The following GRIK5 variants were observed in gnomAD, a reference collection of about 807,000 sequenced individuals.
GRIK5 encodes glutamate receptor ionotropic, kainate 5.
A neutral mutation model predicts 97.4 loss-of-function variants in GRIK5; 43 were observed. That is an observed-to-expected ratio of 0.44 (90% CI 0.35 to 0.57). The LOEUF (loss-of-function observed/expected upper bound fraction) is 0.57. Among genes scored for constraint, GRIK5 ranks in the 20% least tolerant of loss-of-function variants. The pLI is 0.01. For missense variants in GRIK5, 1,015 were observed against 1,382.0 expected (o/e 0.73, Z 4.21); for synonymous variants, 580 against 583.5 (o/e 0.99, Z 0.09).
At chr19:42,019,072 G>A (rs2075666228) in intron 15 of GRIK5, among the ~76,000 whole-genome samples, 2 of 152,188 alleles carry the variant, frequency 1.3e-5, no homozygotes, top group Non-Finnish European at 2.9e-5. Flanking sequence ...GGGTGACAGC[G>A]ATGGGAAGGG....
chr19:42,054,181 C>A (rs915200188), intron 9 of GRIK5, 139 bp downstream of exon 9: 18 of 895,214 alleles, frequency 2.0e-5, no homozygotes, highest in Non-Finnish European at 2.8e-5. Flanking sequence ...TAGGCAGCAA[C>A]AGCCAGGAGT....
chr19:42,062,373 G>A lies in GRIK5; in HGVS notation c.508+115C>T. The A allele has an allele frequency of 1.0e-6, 1 of 985,972 alleles. No individual in the cohort carries two copies. The highest frequency in any genetic ancestry group is 1.5e-6 in the Non-Finnish European group (1 of 667,044). The allele number at this position is 985,972 out of a possible 1,614,324, so 61.1% of individuals were successfully genotyped here. ...TCTGAAGATGGGAGAAGAGCCTGGT[G>A]CCTGGGTGCCCCAGGGTTCTAACTA... On this transcript the variant is annotated intron_variant, in intron 5 of 19. Coordinates refer to ENST00000593562, the MANE Select transcript of GRIK5 (RefSeq NM_002088.5). This position sits in a 1 kb window ranked among gnomAD's most constrained non-coding sequence, Gnocchi z 5.3.
intron 15 of GRIK5, among the ~76,000 whole-genome samples, chr19:42,018,330 A>AAAAAG (rs887900778): frequency 8.1e-5 from 12 of 149,042 alleles, no homozygotes; most frequent in South Asian, 2.1e-4. Flanking sequence ...TCTCAAAAAA[A>AAAAAG]AAAAGAAAAG....
rs142443245 is a variant in GRIK5 at position 42,053,810 on chromosome 19, C to G, written c.1161+15G>C. 6.3e-7 allele frequency: 1 copy of G among 1,597,822 alleles called. No individual in the cohort carries two copies. Among genetic ancestry groups the G allele is most frequent in the Non-Finnish European group, 8.6e-7 (1 of 1,165,410 alleles). ...CACCCCAGCAGGGCTCTGGCGTCAC[C>G]CTGGGTCTGCTCACCTCACGGTGGC... On this transcript the variant is annotated intron_variant, in intron 10 of 19. Transcript: ENST00000593562.
chr19:42,034,062 G>A (rs1193927677), intron 12 of GRIK5, among the ~76,000 whole-genome samples: 1 of 151,702 alleles, frequency 6.6e-6, no homozygotes, highest in African/African-American at 2.4e-5. Context: ...TCTGCAGCAC[G>A]ATAAAAATAA....
At chr19:42,054,607 A>G in intron 8 of GRIK5, 135 bp from the exon 9 acceptor site, 1 of 948,378 alleles carries the variant, frequency 1.1e-6, no homozygotes, top group Non-Finnish European at 1.6e-6. Context: ...TGGGTGGGTC[A>G]GGAGTGAGGA....
chr19:42,057,501 C>T (rs753501154), intron 6 of GRIK5, among the ~76,000 whole-genome samples: 4 of 151,974 alleles, frequency 2.6e-5, no homozygotes, highest in Non-Finnish European at 4.4e-5. Flanking sequence ...CTCCTGAGTA[C>T]CTGGAATCAT....
chr19:42,010,716 A>C lies in GRIK5; in HGVS notation c.1872-3906T>G, dbSNP rs575663920. Among the ~76,000 whole-genome samples, 9 of 152,362 alleles carry C rather than the reference A, an allele frequency of 5.9e-5. No homozygotes were observed. The South Asian group carries it at 1.9e-3, about 32-fold the overall frequency. ...AACACAACACCAGATAGAAACGTGG[A>C]TGTACCAGAAGGGGTGAAGGGCACC... On this transcript the variant is annotated intron_variant, in intron 15 of 19. Coordinates refer to ENST00000593562, the MANE Select transcript of GRIK5 (RefSeq NM_002088.5).
At chr19:42,054,875 C>G (rs1482955895) in intron 8 of GRIK5, among the ~76,000 whole-genome samples, 2 of 152,096 alleles carry the variant, frequency 1.3e-5, no homozygotes, top group Non-Finnish European at 2.9e-5. Context: ...GACGACCATG[C>G]CCATTCATCT....
chr19:42,046,119 G>T (rs2076040167), intron 11 of GRIK5, among the ~76,000 whole-genome samples: 1 of 152,186 alleles, frequency 6.6e-6, no homozygotes, highest in African/African-American at 2.4e-5. Context: ...AGGCCACCCA[G>T]CTGAAGCAGG....
Position 42,003,030 on chromosome 19 carries a change from T to C in GRIK5, c.2514+302A>G, listed in dbSNP as rs113094996. Among the ~76,000 whole-genome samples the C allele has an allele frequency of 2.4e-3, 365 of 152,134 alleles. 5 individuals carry two copies. The highest frequency in any genetic ancestry group is 8.3e-3 in the African/African-American group (343 of 41,504). On this transcript the variant is annotated intron_variant, in intron 19 of 19. Coordinates refer to ENST00000593562, the MANE Select transcript of GRIK5 (RefSeq NM_002088.5). This position sits in a 1 kb window ranked among gnomAD's most constrained non-coding sequence, Gnocchi z 4.2. ...GGATTACAGGTGTGAGCCACTGCAC[T>C]TGGCCCTGTTTCTCTTCTTATTTCT...
intron 15 of GRIK5, among the ~76,000 whole-genome samples, chr19:42,011,116 A>AACAC (rs112305468): frequency 0.028 from 4,044 of 146,538 alleles, 63 homozygotes; most frequent in Non-Finnish European, 0.041. Context: ...TTTACTATCT[A>AACAC]ACACACACAC....
Position 42,002,412 on chromosome 19 carries a change from C to T in GRIK5, c.2514+920G>A. ...GCTGCAGGAGGAAAGGACAGACTTG[C>T]CGGAGGGATGTCCTTGAGAAGGCAA... On this transcript the variant is annotated intron_variant, in intron 19 of 19. Transcript: ENST00000593562. This position sits in a 1 kb window ranked among gnomAD's most constrained non-coding sequence, Gnocchi z 5.2. The T allele has an allele frequency of 1.4e-6, 1 of 717,656 alleles. No homozygotes were observed. Among genetic ancestry groups the T allele is most frequent in the Non-Finnish European group, 2.6e-6 (1 of 385,112 alleles). The allele number at this position is 717,656 out of a possible 1,614,324, so 44.5% of individuals were successfully genotyped here.
chr19:42,058,637 C>A (rs1275324297), intron 6 of GRIK5, among the ~76,000 whole-genome samples: 12 of 150,006 alleles, frequency 8.0e-5, no homozygotes, highest in African/African-American at 2.9e-4. Context: ...ACCATCCTGG[C>A]CAATATGGTG....
At chr19:42,068,199 G>A (rs2076366465) in intron 1 of GRIK5, among the ~76,000 whole-genome samples, 1 of 152,104 alleles carries the variant, frequency 6.6e-6, no homozygotes, top group African/African-American at 2.4e-5. Context: ...AAACTGAGGT[G>A]GGGAGATGGA....
Position 41,999,406 on chromosome 19 carries a change from C to A in GRIK5, c.2515-107G>T, listed in dbSNP as rs2075407249. 2.4e-6 allele frequency: 2 copies of A among 846,996 alleles called. No individual in the cohort carries two copies. Among genetic ancestry groups the A allele is most frequent in the Admixed American group, 6.6e-5 (2 of 30,302 alleles). 52.5% of individuals were successfully genotyped at this position (846,996 alleles called of 1,614,324 possible). Reference sequence around the variant, plus strand: ...TCCTCCTTTCCTCGCCCGGGTCTTTCTTCCTTCTGCCCTCGCTTCCCTTCC... The same window carrying A: ...TCCTCCTTTCCTCGCCCGGGTCTTTATTCCTTCTGCCCTCGCTTCCCTTCC... On this transcript the variant is annotated intron_variant, in intron 19 of 19. Coordinates refer to ENST00000593562, the MANE Select transcript of GRIK5 (RefSeq NM_002088.5). This position sits in a 1 kb window ranked among gnomAD's most constrained non-coding sequence, Gnocchi z 5.0.
At chr19:42,032,888 T>G (rs2075855905) in intron 12 of GRIK5, among the ~76,000 whole-genome samples, 1 of 152,162 alleles carries the variant, frequency 6.6e-6, no homozygotes, top group South Asian at 2.1e-4. Context: ...TCCAACAGCC[T>G]CCTAAATGGA....
rs1324588152 is a variant in GRIK5, at chr19:42,002,559, T to G, written c.2514+773A>C. 1 of 667,220 alleles carries G rather than the reference T, an allele frequency of 1.5e-6. No individual in the cohort carries two copies. Among genetic ancestry groups the G allele is most frequent in the African/African-American group, 1.8e-5 (1 of 55,808 alleles). 41.3% of individuals were successfully genotyped at this position (667,220 alleles called of 1,614,324 possible). ...GCAGAGCTGGGGTCTGGGGAGTAGA[T>G]GTAAGGTCAGCCGCTGGATGTGAGG... On this transcript the variant is annotated intron_variant, in intron 19 of 19. Coordinates refer to ENST00000593562, the MANE Select transcript of GRIK5 (RefSeq NM_002088.5). The surrounding 1 kb of genome is among the most constrained non-coding windows in gnomAD (Gnocchi z 5.2).
At chr19:42,014,154 G>A (rs1312321368) in intron 15 of GRIK5, among the ~76,000 whole-genome samples, 1 of 152,070 alleles carries the variant, frequency 6.6e-6, no homozygotes, top group African/African-American at 2.4e-5. Flanking sequence ...AGCACTTTGG[G>A]AGTCTGAGGC....
Sources: gnomAD v4.1 joint callset for allele counts (sites outside exome capture counted in the v4.1 genomes callset) on GRCh38, gnomAD v4.1.1 for gene constraint, Gnocchi (gnomAD v3.1) non-coding constraint, MANE v1.5 for transcripts, NCBI Gene and HGNC (gene_info 2026-07-23, HGNC 2026-07-21) for gene names.